LRP8: variants seen among roughly 807,000 people sequenced by gnomAD.
LRP8 encodes the protein LDL receptor related protein 8.
LRP8 carries 46 observed loss-of-function variants against 111.6 expected under a neutral mutation model. The ratio of observed to expected loss-of-function variants is 0.41; its 90% CI spans 0.33 to 0.53. The LOEUF (loss-of-function observed/expected upper bound fraction) is 0.53. LRP8 is among the 20% of genes least tolerant of loss of function. The probability of loss-of-function intolerance (pLI) is 0.20; values close to 1 mark genes in which losing one functional copy is unlikely to be tolerated. For missense variants in LRP8, 959 were observed against 1,297.4 expected, an observed-to-expected ratio of 0.74 and a Z score of 4.01; for synonymous variants, 464 against 511.2, an observed-to-expected ratio of 0.91 and a Z score of 1.24.
chr1:53,268,060 C>CT (rs1646640606), intron 8 of LRP8: 1 of 152,442 alleles, frequency 6.6e-6, no homozygotes, highest in East Asian at 1.9e-4. Context: ...GTGATGGAGA[C>CT]TAATTCAAAG....
chr1:53,270,444 C>T (rs1646723323), intron 8 of LRP8, among the ~76,000 whole-genome samples: 1 of 152,122 alleles, frequency 6.6e-6, no homozygotes, highest in African/African-American at 2.4e-5. Context: ...TACAACCTTC[C>T]TAGGGTGGTG....
chr1:53,285,153 A>C (rs1467369771), intron 3 of LRP8, among the ~76,000 whole-genome samples: 1 of 152,230 alleles, frequency 6.6e-6, no homozygotes. Flanking sequence ...GCCCAGAAAG[A>C]GTAAGTTGTT....
At chr1:53,283,622 CACTT>C (rs869236898) in intron 3 of LRP8, among the ~76,000 whole-genome samples, 4 of 18,866 alleles carry the variant, frequency 2.1e-4, no homozygotes, top group South Asian at 4.4e-3. Context: ...ATACCCGGGC[CACTT>C]ACTTACTTAC....
chr1:53,253,531 A>G (rs903405659), intron 16 of LRP8, among the ~76,000 whole-genome samples: 21 of 152,194 alleles, frequency 1.4e-4, no homozygotes, highest in African/African-American at 5.1e-4. Context: ...CAGGGAAATA[A>G]TACTCATCTT....
intron 1 of LRP8, 178 bp from the exon 2 acceptor site, chr1:53,327,170 T>C: frequency 2.5e-6 from 2 of 811,348 alleles, no homozygotes; most frequent in South Asian, 1.9e-5. Flanking sequence ...GTTCCGTGGA[T>C]GTCGGGCCGC....
chr1:53,263,844 T>C (rs2100383096), intron 10 of LRP8, among the ~76,000 whole-genome samples: 1 of 152,294 alleles, frequency 6.6e-6, no homozygotes, highest in South Asian at 2.1e-4. Flanking sequence ...TTTGGAAGTA[T>C]GTGAGCAGCT....
At chr1:53,277,177 G>C in intron 4 of LRP8, 99 bp from the exon 5 acceptor site, 2 of 1,336,420 alleles carry the variant, frequency 1.5e-6, no homozygotes, top group Non-Finnish European at 9.6e-7. Context: ...TCACCCGGGG[G>C]CCAGAACAAG....
chr1:53,264,738 G>C (rs914444362), intron 9 of LRP8, among the ~76,000 whole-genome samples: 1 of 152,190 alleles, frequency 6.6e-6, no homozygotes, highest in Non-Finnish European at 1.5e-5. Context: ...CTTTATAGTT[G>C]AGTCCTGAAG....
Position 53,266,654 on chromosome 1 carries a change from T to G in LRP8, c.1253-7A>C. Reference sequence around the variant, plus strand: ...AGGGATGGGCTCTTGCCAGCTGTCATGCAGGGAGGTTGAAAGAGAAAGAGT... The same window carrying G: ...AGGGATGGGCTCTTGCCAGCTGTCAGGCAGGGAGGTTGAAAGAGAAAGAGT... On this transcript the variant is annotated splice_polypyrimidine_tract_variant and splice_region_variant and intron_variant, in intron 8 of 18. Transcript: ENST00000306052. The surrounding 1 kb of genome is among the most constrained non-coding windows in gnomAD (Gnocchi z 5.0). 6.2e-7 allele frequency: 1 copy of G among 1,613,554 alleles called. No homozygotes were observed. Among genetic ancestry groups the G allele is most frequent in the Non-Finnish European group, 8.5e-7 (1 of 1,179,724 alleles).
chr1:53,251,675 G>A (rs979390067), intron 16 of LRP8, among the ~76,000 whole-genome samples: 1 of 151,342 alleles, frequency 6.6e-6, no homozygotes, highest in African/African-American at 2.4e-5. Flanking sequence ...GAACAAGGCA[G>A]TTATCATTGC....
At chr1:53,285,853 G>T (rs1485288511) in intron 3 of LRP8, among the ~76,000 whole-genome samples, 1 of 152,140 alleles carries the variant, frequency 6.6e-6, no homozygotes, top group Admixed American at 6.5e-5. Flanking sequence ...CAGGAGTGAA[G>T]AATCCCACTG....
At chr1:53,259,827 A>G (rs1646261860) in intron 13 of LRP8, among the ~76,000 whole-genome samples, 1 of 152,004 alleles carries the variant, frequency 6.6e-6, no homozygotes, top group Non-Finnish European at 1.5e-5. Flanking sequence ...GCCACATACT[A>G]TGTCTCTCAT....
At chr1:53,298,078 T>C (rs1296825230) in intron 2 of LRP8, among the ~76,000 whole-genome samples, 2 of 151,894 alleles carry the variant, frequency 1.3e-5, no homozygotes, top group East Asian at 3.9e-4. Flanking sequence ...TTGTGGATCT[T>C]GGTGCTGTTC....
intron 1 of LRP8, 21 bp from the exon 2 acceptor site, chr1:53,327,013 G>A (rs1276772690): frequency 1.2e-6 from 2 of 1,610,396 alleles, no homozygotes; most frequent in Non-Finnish European, 8.5e-7. Context: ...GAGGGAGCGT[G>A]AGCTGGATCA....
At chr1:53,265,328 G>C (rs1402881025) in intron 9 of LRP8, among the ~76,000 whole-genome samples, 1 of 152,128 alleles carries the variant, frequency 6.6e-6, no homozygotes, top group East Asian at 1.9e-4. Flanking sequence ...AAGCTAACTA[G>C]CTCCCCTTGG....
chr1:53,263,959 C>T (rs758917427), intron 10 of LRP8, among the ~76,000 whole-genome samples: 2 of 152,156 alleles, frequency 1.3e-5, no homozygotes, highest in African/African-American at 2.4e-5. Flanking sequence ...TCCAATTCTA[C>T]GATATAACGA....
intron 2 of LRP8, among the ~76,000 whole-genome samples, chr1:53,302,530 T>C (rs1651120913): frequency 6.6e-6 from 1 of 152,124 alleles, no homozygotes; most frequent in Non-Finnish European, 1.5e-5. Flanking sequence ...TCTCCTTTTG[T>C]TCTGGGTTGT....
intron 15 of LRP8, among the ~76,000 whole-genome samples, chr1:53,256,630 G>T (rs1646098492): frequency 6.6e-6 from 1 of 152,234 alleles, no homozygotes; most frequent in Non-Finnish European, 1.5e-5. Flanking sequence ...CCTCTGGCAG[G>T]TAACTCAATT....
At chr1:53,318,127 C>G (rs1654044521) in intron 2 of LRP8, among the ~76,000 whole-genome samples, 1 of 152,184 alleles carries the variant, frequency 6.6e-6, no homozygotes, top group Non-Finnish European at 1.5e-5. Context: ...GAGCCATTCA[C>G]CCAAGGTCAC....
Sources: allele counts gnomAD v4.1 joint callset (sites outside exome capture counted in the v4.1 genomes callset), GRCh38; gene constraint gnomAD v4.1.1; non-coding constraint Gnocchi (gnomAD v3.1); transcripts MANE v1.5; gene names NCBI Gene and HGNC (gene_info 2026-07-23, HGNC 2026-07-21).